GRK5: variants seen among roughly 807,000 people sequenced by gnomAD.
GRK5 encodes G protein-coupled receptor kinase 5, also known as g protein-coupled receptor kinase GRK5.
In GRK5, 40 loss-of-function variants were observed where a neutral mutation model predicts 78.4. That is an observed-to-expected ratio of 0.51 (90% CI 0.40 to 0.66). The LOEUF is 0.66. Ranked by LOEUF, GRK5 falls within the 30% of genes least tolerant of loss-of-function variation. The probability of loss-of-function intolerance (pLI) is 0.00; values close to 1 mark genes in which losing one functional copy is unlikely to be tolerated. For missense variants in GRK5, 598 were observed against 759.9 expected (o/e 0.79, Z 2.50); for synonymous variants, 289 against 296.8 (o/e 0.97, Z 0.27).
intron 2 of GRK5, among the ~76,000 whole-genome samples, chr10:119,327,220 C>T (rs1850694714): frequency 6.6e-6 from 1 of 152,226 alleles, no homozygotes; most frequent in East Asian, 1.9e-4. Flanking sequence ...CACACACACA[C>T]CAGGCACCTC....
At chr10:119,402,549 C>G (rs1402337529) in intron 4 of GRK5, among the ~76,000 whole-genome samples, 1 of 152,160 alleles carries the variant, frequency 6.6e-6, no homozygotes, top group Non-Finnish European at 1.5e-5. Flanking sequence ...TTACAGATGA[C>G]TTTTTGAAAT....
At chr10:119,293,113 A>G (rs891769103) in intron 1 of GRK5, among the ~76,000 whole-genome samples, 2 of 152,260 alleles carry the variant, frequency 1.3e-5, no homozygotes, top group African/African-American at 4.8e-5. Context: ...GAAGTTATGT[A>G]TAAGCTGTTG....
intron 6 of GRK5, among the ~76,000 whole-genome samples, chr10:119,425,286 C>CACACAA (rs1554920949): frequency 7.4e-6 from 1 of 135,192 alleles, no homozygotes; most frequent in African/African-American, 2.5e-5. Flanking sequence ...CACACACACA[C>CACACAA]ACACACACAC....
At chr10:119,423,814 CACAT>C (rs1384302451) in intron 5 of GRK5, among the ~76,000 whole-genome samples, 1 of 152,160 alleles carries the variant, frequency 6.6e-6, no homozygotes, top group African/African-American at 2.4e-5. Flanking sequence ...CACACACACA[CACAT>C]ACACACACAC....
intron 4 of GRK5, 52 bp from the exon 5 acceptor site, chr10:119,423,114 C>A: frequency 7.9e-7 from 1 of 1,262,402 alleles, no homozygotes; most frequent in Admixed American, 1.7e-5. Flanking sequence ...CAAACCCGGC[C>A]GCACTGCTGC....
intron 1 of GRK5, among the ~76,000 whole-genome samples, chr10:119,320,961 G>A (rs947698023): frequency 1.1e-4 from 17 of 152,260 alleles, no homozygotes; most frequent in Admixed American, 9.2e-4. Flanking sequence ...GCATGGCTGG[G>A]CCCTGCCCCC....
chr10:119,218,806 T>G (rs1210679464), intron 1 of GRK5, among the ~76,000 whole-genome samples: 2 of 152,064 alleles, frequency 1.3e-5, no homozygotes, highest in Non-Finnish European at 2.9e-5. Flanking sequence ...TCCTGGAACA[T>G]AGTAGGTGTT....
At chr10:119,357,483 C>T (rs936540923) in intron 2 of GRK5, among the ~76,000 whole-genome samples, 12 of 152,210 alleles carry the variant, frequency 7.9e-5, no homozygotes, top group African/African-American at 2.9e-4. Flanking sequence ...GATATCGTTC[C>T]ATCCTGGTGC....
At chr10:119,311,645 G>C (rs1366324816) in intron 1 of GRK5, among the ~76,000 whole-genome samples, 1 of 151,952 alleles carries the variant, frequency 6.6e-6, no homozygotes, top group Admixed American at 6.6e-5. Context: ...AATTAGCTGG[G>C]CGTGGTGGTG....
chr10:119,387,246 C>T (rs529964017), intron 3 of GRK5, among the ~76,000 whole-genome samples: 1 of 152,216 alleles, frequency 6.6e-6, no homozygotes, highest in African/African-American at 2.4e-5. Context: ...TCAAGTGATC[C>T]GCCTGCCTCA....
chr10:119,404,821 G>T (rs1852206684), intron 4 of GRK5, among the ~76,000 whole-genome samples: 1 of 152,218 alleles, frequency 6.6e-6, no homozygotes, highest in East Asian at 1.9e-4. Flanking sequence ...TCCTAGGACT[G>T]CACGGGCCTC....
At chr10:119,449,884 C>T (rs1394913465) in intron 13 of GRK5, among the ~76,000 whole-genome samples, 1 of 152,222 alleles carries the variant, frequency 6.6e-6, no homozygotes, top group Non-Finnish European at 1.5e-5. Context: ...GCATTGCTCT[C>T]GACCCTGGCT....
At chr10:119,214,728 C>G (rs1848543791) in intron 1 of GRK5, among the ~76,000 whole-genome samples, 1 of 152,232 alleles carries the variant, frequency 6.6e-6, no homozygotes, top group East Asian at 1.9e-4. Flanking sequence ...CCCTGTTGCC[C>G]AGGTTGGTCT....
intron 1 of GRK5, among the ~76,000 whole-genome samples, chr10:119,290,954 A>G (rs774674618): frequency 6.6e-6 from 1 of 152,150 alleles, no homozygotes; most frequent in African/African-American, 2.4e-5. Flanking sequence ...ATGATTATTC[A>G]GTGAATGAGC....
intron 4 of GRK5, among the ~76,000 whole-genome samples, chr10:119,410,758 C>A (rs113049625): frequency 4.2e-4 from 64 of 151,946 alleles, no homozygotes; most frequent in African/African-American, 1.5e-3. Context: ...GAGTTCCTAG[C>A]GCACAAATGG....
At chr10:119,369,093 T>C (rs1055590071) in intron 2 of GRK5, among the ~76,000 whole-genome samples, 1 of 152,180 alleles carries the variant, frequency 6.6e-6, no homozygotes, top group Admixed American at 6.5e-5. Flanking sequence ...AATGGTGAAC[T>C]GGACCTTACA....
At chr10:119,444,930 C>T (rs1198948955) in intron 12 of GRK5, among the ~76,000 whole-genome samples, 2 of 152,226 alleles carry the variant, frequency 1.3e-5, no homozygotes, top group East Asian at 3.9e-4. Flanking sequence ...GAGATCTGCG[C>T]CGCAAGCGGC....
At chr10:119,302,503 T>C (rs1850200540) in intron 1 of GRK5, among the ~76,000 whole-genome samples, 1 of 152,180 alleles carries the variant, frequency 6.6e-6, no homozygotes, top group African/African-American at 2.4e-5. Flanking sequence ...GTTGTACTTT[T>C]TCTTCGCAGG....
chr10:119,275,570 T>A (rs1849654293), intron 1 of GRK5, among the ~76,000 whole-genome samples: 1 of 151,076 alleles, frequency 6.6e-6, no homozygotes, highest in African/African-American at 2.5e-5. Flanking sequence ...CTCTAAGGCA[T>A]GCTTGTGCGT....
Sources: allele counts gnomAD v4.1 joint callset (sites outside exome capture counted in the v4.1 genomes callset), GRCh38; gene constraint gnomAD v4.1.1; transcripts MANE v1.5; gene names NCBI Gene and HGNC (gene_info 2026-07-23, HGNC 2026-07-21).